The following TSHZ3 variants were observed in gnomAD, a reference collection of about 807,000 sequenced individuals.
TSHZ3 encodes teashirt zinc finger homeobox 3.
In TSHZ3, 10 loss-of-function variants were observed where a neutral mutation model predicts 64.5. The ratio of observed to expected loss-of-function variants is 0.16; its 90% CI spans 0.10 to 0.26. The LOEUF (loss-of-function observed/expected upper bound fraction) is 0.26, where lower values mean the gene tolerates loss of function less well. Among genes scored for constraint, TSHZ3 ranks in the 10% least tolerant of loss-of-function variants. TSHZ3 has a pLI of 1.00. For synonymous variants in TSHZ3, 608 were observed against 593.1 expected (o/e 1.03, Z -0.36); for missense variants, 1,242 against 1,421.7 (o/e 0.87, Z 2.03).
chr19:31,297,669 T>C (rs987548559), intron 1 of TSHZ3, among the ~76,000 whole-genome samples: 10 of 152,098 alleles, frequency 6.6e-5, no homozygotes, highest in Admixed American at 5.2e-4. Flanking sequence ...GGTCTAGCTA[T>C]GTTGCCCAGG....
At position 31,268,382 on chromosome 19, in the gene TSHZ3, T is replaced by C. The variant is rs578218063; in HGVS notation, n.64-25507A>G. Among the ~76,000 whole-genome samples the C allele has an allele frequency of 2.0e-5, 3 of 152,166 alleles. No individual in the cohort carries two copies. In the South Asian group the frequency reaches 6.2e-4, roughly 32 times the overall value. On this transcript the variant is annotated intron_variant and non_coding_transcript_variant, in intron 1 of 6. Coordinates refer to the TSHZ3 transcript ENST00000651361. ...CCAGAGCCCCAGGAGACCCAAGCCCTAGTCTCACTGAAACACAAGAGCCAA... is the reference window on the plus strand; with the variant it reads ...CCAGAGCCCCAGGAGACCCAAGCCCCAGTCTCACTGAAACACAAGAGCCAA...
At chr19:31,220,988 G>T (rs536577754) in intron 4 of TSHZ3, among the ~76,000 whole-genome samples, 2 of 152,282 alleles carry the variant, frequency 1.3e-5, no homozygotes, top group East Asian at 1.9e-4. Flanking sequence ...TGCCAAACTA[G>T]TTAAAATGCC....
chr19:31,176,733 T>C (rs1001807185), intron 5 of TSHZ3, among the ~76,000 whole-genome samples: 3 of 152,116 alleles, frequency 2.0e-5, no homozygotes, highest in African/African-American at 4.8e-5. Flanking sequence ...GAGCCTGCCA[T>C]GAGCTGTGAT....
chr19:31,191,837 AGACTGCACCCCAGCCTGGGT>A (rs1974913833), intron 5 of TSHZ3, among the ~76,000 whole-genome samples: 1 of 152,106 alleles, frequency 6.6e-6, no homozygotes, highest in Non-Finnish European at 1.5e-5. Context: ...CCAGCCTGGG[AGACTGCACCCCAGCCTGGGT>A]GACCCTGCCT....
chr19:31,286,202 A>C (rs1976460945), intron 1 of TSHZ3, among the ~76,000 whole-genome samples: 1 of 152,226 alleles, frequency 6.6e-6, no homozygotes, highest in Non-Finnish European at 1.5e-5. Context: ...TCAAGAGCTG[A>C]GTGCCAAGGA....
At chr19:31,231,253 G>A (rs182314338) in intron 3 of TSHZ3, among the ~76,000 whole-genome samples, 4 of 152,244 alleles carry the variant, frequency 2.6e-5, no homozygotes, top group Non-Finnish European at 4.4e-5. Flanking sequence ...CTGAGACCAG[G>A]ATGGTGGCAC....
At chr19:31,301,661 CAG>C (rs1976759449) in intron 1 of TSHZ3, among the ~76,000 whole-genome samples, 2 of 152,126 alleles carry the variant, frequency 1.3e-5, no homozygotes. Flanking sequence ...CATGGCAGGT[CAG>C]AGAGGGTCGG....
Position 31,279,397 on chromosome 19 carries a change from G to A in TSHZ3, c.396C>T (p.Ser132=), listed in dbSNP as rs1976320874. 3 of 1,614,216 alleles carry A rather than the reference G, an allele frequency of 1.9e-6. No homozygotes were observed. Among genetic ancestry groups the A allele is most frequent in the Non-Finnish European group, 2.5e-6 (3 of 1,180,050 alleles). ...YNNFLSNSYW[S]NLNLNLHQPS... ...GCTGGTGCAGGTTGAGGTTGAGGTTGGACCAGTAGGAGTTGGAGAGGAAGT... is the reference window on the plus strand; with the variant it reads ...GCTGGTGCAGGTTGAGGTTGAGGTTAGACCAGTAGGAGTTGGAGAGGAAGT... The change falls in exon 2 of 2, where the codon TCC becomes TCT. Residue 132 remains serine, a synonymous_variant. Transcript: ENST00000240587. The surrounding 1 kb of genome is among the most constrained non-coding windows in gnomAD (Gnocchi z 6.4).
At chr19:31,199,694 C>A (rs895431416) in intron 5 of TSHZ3, among the ~76,000 whole-genome samples, 2 of 147,276 alleles carry the variant, frequency 1.4e-5, no homozygotes, top group African/African-American at 2.5e-5. Context: ...AGGGATGATC[C>A]ATGAAAGAAC....
At chr19:31,265,828 A>G (rs1976047302) in intron 1 of TSHZ3, among the ~76,000 whole-genome samples, 2 of 152,222 alleles carry the variant, frequency 1.3e-5, no homozygotes. Flanking sequence ...CCTGAGTCCA[A>G]GGCAGAGTCA....
chr19:31,172,183 G>A (rs756305003), intron 5 of TSHZ3, among the ~76,000 whole-genome samples: 5 of 152,176 alleles, frequency 3.3e-5, no homozygotes, highest in African/African-American at 1.2e-4. Flanking sequence ...GCAGAGGTTT[G>A]AAGTCACACT....
At chr19:31,161,830 A>G (rs1974377583) in intron 5 of TSHZ3, among the ~76,000 whole-genome samples, 1 of 152,104 alleles carries the variant, frequency 6.6e-6, no homozygotes, top group African/African-American at 2.4e-5. Context: ...TTACAACTCA[A>G]CTCTGCCATT....
chr19:31,300,463 A>T (rs1250782144), intron 1 of TSHZ3, among the ~76,000 whole-genome samples: 1 of 152,232 alleles, frequency 6.6e-6, no homozygotes, highest in Non-Finnish European at 1.5e-5. Flanking sequence ...ATCACCATAG[A>T]TGAACTCAAT....
At chr19:31,163,228 T>C (rs1974392616) in intron 5 of TSHZ3, among the ~76,000 whole-genome samples, 1 of 151,906 alleles carries the variant, frequency 6.6e-6, no homozygotes, top group Non-Finnish European at 1.5e-5. Context: ...GGTAGATGGG[T>C]GGGAGGGTAG....
At chr19:31,306,535 G>A (rs1916302519) in intron 1 of TSHZ3, among the ~76,000 whole-genome samples, 1 of 152,252 alleles carries the variant, frequency 6.6e-6, no homozygotes, top group African/African-American at 2.4e-5. Flanking sequence ...GCGTGGGTGC[G>A]CATGTGCACT....
chr19:31,233,111 G>GAGTCAA (rs1416393557), intron 3 of TSHZ3, among the ~76,000 whole-genome samples: 4 of 152,154 alleles, frequency 2.6e-5, no homozygotes, highest in Non-Finnish European at 5.9e-5. Flanking sequence ...GTCATTTGGT[G>GAGTCAA]AGTGTATGCT....
At chr19:31,232,529 A>T (rs1344411636) in intron 3 of TSHZ3, among the ~76,000 whole-genome samples, 1 of 152,202 alleles carries the variant, frequency 6.6e-6, no homozygotes, top group Admixed American at 6.5e-5. Flanking sequence ...ATTTTAAATG[A>T]CTTATTTTAA....
At chr19:31,272,978 C>T (rs960611774), downstream of TSHZ3, among the ~76,000 whole-genome samples, 7 of 152,100 alleles carry the variant, frequency 4.6e-5, no homozygotes, top group Non-Finnish European at 8.8e-5. Flanking sequence ...CAACAGCAAC[C>T]GCAGAACATG....
At chr19:31,219,805 AT>A (rs1289740338) in intron 4 of TSHZ3, among the ~76,000 whole-genome samples, 2 of 149,244 alleles carry the variant, frequency 1.3e-5, no homozygotes, top group East Asian at 3.9e-4. Context: ...AGATATATAT[AT>A]GTATATATAT....
Sources: gnomAD v4.1 joint callset for allele counts (sites outside exome capture counted in the v4.1 genomes callset) on GRCh38, gnomAD v4.1.1 for gene constraint, Gnocchi (gnomAD v3.1) non-coding constraint, MANE v1.5 for transcripts, NCBI Gene and HGNC (gene_info 2026-07-23, HGNC 2026-07-21) for gene names.